CGNL1: variants seen among roughly 807,000 people sequenced by gnomAD.
CGNL1 encodes the protein cingulin-like protein 1.
CGNL1 carries 132 observed loss-of-function variants against 141.2 expected under a neutral mutation model. The ratio of observed to expected loss-of-function variants is 0.93; its 90% CI spans 0.81 to 1.08. The LOEUF is 1.08. Ranked by LOEUF, CGNL1 falls within the 50% of genes least tolerant of loss-of-function variation. The pLI is 0.00. For synonymous variants in CGNL1, 690 were observed against 622.1 expected (o/e 1.11, Z -1.63); for missense variants, 1,870 against 1,588.6 (o/e 1.18, Z -3.01).
chr15:57,535,681 G>GTGTTGAATGGCTCTAT (rs779165733), intron 14 of CGNL1, among the ~76,000 whole-genome samples: 1 of 152,244 alleles, frequency 6.6e-6, no homozygotes, highest in Non-Finnish European at 1.5e-5. Flanking sequence ...CAGACTGAGG[G>GTGTTGAATGGCTCTAT]TGTTGAATGG....
chr15:57,440,788 C>A (rs1211403414), intron 3 of CGNL1, among the ~76,000 whole-genome samples: 1 of 152,062 alleles, frequency 6.6e-6, no homozygotes, highest in Non-Finnish European at 1.5e-5. Context: ...GAATGGAGTC[C>A]GCCATCACCT....
chr15:57,442,610 C>A, intron 4 of CGNL1, 132 bp downstream of exon 4: 1 of 546,760 alleles, frequency 1.8e-6, no homozygotes, highest in Non-Finnish European at 3.3e-6. Flanking sequence ...GAGTACTCTT[C>A]ATGTTTTACA....
chr15:57,523,656 G>A lies in CGNL1; in HGVS notation c.2868+15G>A. 6.2e-7 allele frequency: 1 copy of A among 1,613,372 alleles called. No homozygotes were observed. Among genetic ancestry groups the A allele is most frequent in the Non-Finnish European group, 8.5e-7 (1 of 1,179,710 alleles). On this transcript the variant is annotated intron_variant, in intron 11 of 18. Transcript: ENST00000281282. Reference sequence around the variant, plus strand: ...TGCAGAAGGAGGTGAGGGGCTGGAGGAGGAAAGAGGAAGTAGGGCCAGATG... The same window carrying A: ...TGCAGAAGGAGGTGAGGGGCTGGAGAAGGAAAGAGGAAGTAGGGCCAGATG...
At chr15:57,484,598 G>A (rs1045144118) in intron 8 of CGNL1, among the ~76,000 whole-genome samples, 6 of 151,972 alleles carry the variant, frequency 3.9e-5, no homozygotes, top group Admixed American at 2.0e-4. Flanking sequence ...TGCTGAATGT[G>A]CAGGTTTGTT....
intron 8 of CGNL1, among the ~76,000 whole-genome samples, chr15:57,500,343 G>C (rs1300886089): frequency 6.6e-6 from 1 of 152,180 alleles, no homozygotes; most frequent in African/African-American, 2.4e-5. Context: ...AGTGGGAGAG[G>C]AATTACTTAC....
chr15:57,498,644 G>GA (rs1187680678), intron 8 of CGNL1, among the ~76,000 whole-genome samples: 1 of 152,072 alleles, frequency 6.6e-6, no homozygotes. Context: ...GAAAACATAA[G>GA]AAAAAAATCA....
intron 8 of CGNL1, among the ~76,000 whole-genome samples, chr15:57,513,268 G>GTC (rs1350461237): frequency 1.5e-5 from 2 of 135,462 alleles, no homozygotes; most frequent in African/African-American, 5.4e-5. Flanking sequence ...GTGTGTGTGT[G>GTC]TGTGTGTGTG....
intron 10 of CGNL1, among the ~76,000 whole-genome samples, 198 bp from the exon 11 acceptor site, chr15:57,523,291 A>G (rs796707479): frequency 5.3e-5 from 8 of 152,242 alleles, no homozygotes; most frequent in African/African-American, 1.9e-4. Flanking sequence ...GGGTAAGTCA[A>G]CTTTCCTATT....
At chr15:57,490,736 G>C (rs527564279) in intron 8 of CGNL1, among the ~76,000 whole-genome samples, 232 of 152,248 alleles carry the variant, frequency 1.5e-3, no homozygotes, top group African/African-American at 5.1e-3. Flanking sequence ...AGGATGAAGT[G>C]GGGGAGAAAA....
In CGNL1 at chr15:57,518,457, C is replaced by T; in HGVS notation, c.2675C>T (p.Ser892Leu). ...HARKEEKEAV[S>L]ARRALENELE... ...AGAAAGGAAGAAAAAGAAGCTGTGTCAGCCAGAAGGGCCCTGGAGAATGAA... is the reference window on the plus strand; with the variant it reads ...AGAAAGGAAGAAAAAGAAGCTGTGTTAGCCAGAAGGGCCCTGGAGAATGAA... The change falls in exon 10 of 19, where the codon TCA becomes TTA. Residue 892 changes from serine (S) to leucine (L), a missense_variant. Coordinates refer to ENST00000281282, the MANE Select transcript of CGNL1 (RefSeq NM_032866.5). 1 of 1,612,590 alleles carries T rather than the reference C, an allele frequency of 6.2e-7. No homozygotes were observed. Among genetic ancestry groups the T allele is most frequent in the African/African-American group, 1.3e-5 (1 of 75,008 alleles).
chr15:57,484,057 T>G (rs1282811351), intron 8 of CGNL1, among the ~76,000 whole-genome samples: 2 of 152,234 alleles, frequency 1.3e-5, no homozygotes, highest in Non-Finnish European at 2.9e-5. Flanking sequence ...AGTCCTTTTT[T>G]CATGTTTTCC....
intron 2 of CGNL1, 96 bp from the exon 3 acceptor site, chr15:57,440,281 G>C: frequency 2.4e-6 from 2 of 822,320 alleles, no homozygotes; most frequent in Non-Finnish European, 4.0e-6. Context: ...TGTTGTAACT[G>C]GCTCTAAGAA....
Position 57,431,507 on chromosome 15 carries a change from G to C in CGNL1, c.-15-6478G>C, listed in dbSNP as rs181156524. Among the ~76,000 whole-genome samples, 28 of 152,286 alleles carry C rather than the reference G, an allele frequency of 1.8e-4. No homozygotes were observed. In the East Asian group the frequency reaches 5.4e-3, roughly 29 times the overall value. ...TGCTAATCTTGGCTTTCCACACCCTGATCTTTCAATTTCATCTGGTTGAGG... is the reference window on the plus strand; with the variant it reads ...TGCTAATCTTGGCTTTCCACACCCTCATCTTTCAATTTCATCTGGTTGAGG... On this transcript the variant is annotated intron_variant, in intron 1 of 18. Transcript: ENST00000281282.
chr15:57,523,343 G>T, intron 10 of CGNL1, 146 bp from the exon 11 acceptor site: 1 of 689,308 alleles, frequency 1.5e-6, no homozygotes, highest in South Asian at 2.3e-5. Context: ...TTCTATCTCT[G>T]ACAGCTTTAT....
chr15:57,470,256 C>CTTTTTTTTTTTTTTTTTTTTTTTTT (rs60982599), intron 8 of CGNL1, among the ~76,000 whole-genome samples: 4 of 113,996 alleles, frequency 3.5e-5, no homozygotes, highest in Non-Finnish European at 5.1e-5. Flanking sequence ...TTTTGTCTCT[C>CTTTTTTTTTTTTTTTTTTTTTTTTT]TTTTTTTTTT....
chr15:57,489,048 A>G (rs756682109), intron 8 of CGNL1, among the ~76,000 whole-genome samples: 1 of 152,222 alleles, frequency 6.6e-6, no homozygotes, highest in Non-Finnish European at 1.5e-5. Context: ...TTGATATAAC[A>G]TCTTAATTAA....
intron 1 of CGNL1, among the ~76,000 whole-genome samples, chr15:57,425,394 C>T (rs572245467): frequency 2.2e-4 from 33 of 152,198 alleles, no homozygotes; most frequent in Non-Finnish European, 1.2e-4. Flanking sequence ...AATAAAAAGA[C>T]GCTGAGTGGG....
intron 1 of CGNL1, among the ~76,000 whole-genome samples, chr15:57,383,324 T>G (rs566619735): frequency 6.0e-5 from 9 of 150,806 alleles, no homozygotes; most frequent in Non-Finnish European, 1.3e-4. Flanking sequence ...GATACAGAGT[T>G]GCCCAGCCTT....
Position 57,499,238 on chromosome 15 carries a change from C to CTT in CGNL1, c.2404-17519_2404-17518dup, listed in dbSNP as rs201081475. 8.1e-3 allele frequency among the ~76,000 whole-genome samples: 747 copies of CTT among 91,800 alleles called. 18 individuals carry two copies. Among genetic ancestry groups the CTT allele is most frequent in the African/African-American group, 0.032 (640 of 20,148 alleles). The allele number at this position is 91,800 out of a possible 152,430, so 60.2% of individuals were successfully genotyped here. On this transcript the variant is annotated intron_variant, in intron 8 of 18. Transcript: ENST00000281282. ...GGAACTCATGAAATAAAGTTAATGG[C>CTT]TTTTTTTTTTTTTTTTTTTTTTTTG...
Sources: allele counts gnomAD v4.1 joint callset (sites outside exome capture counted in the v4.1 genomes callset), GRCh38; gene constraint gnomAD v4.1.1; transcripts MANE v1.5; gene names NCBI Gene and HGNC (gene_info 2026-07-23, HGNC 2026-07-21).